Variants in PDE2A observed in about 807,000 individuals in gnomAD.
The protein encoded by PDE2A is cGMP-dependent 3',5'-cyclic phosphodiesterase.
PDE2A carries 53 observed loss-of-function variants against 133.6 expected under a neutral mutation model. The ratio of observed to expected loss-of-function variants is 0.40; its 90% CI spans 0.32 to 0.50. PDE2A has a LOEUF of 0.50. PDE2A is among the 20% of genes least tolerant of loss of function. The pLI, the probability that PDE2A is intolerant of heterozygous loss-of-function variation, is 0.73. For missense variants in PDE2A, 796 were observed against 1,232.4 expected (o/e 0.65, Z 5.30); for synonymous variants, 491 against 490.2 (o/e 1.00, Z -0.02).
chr11:72,633,809 A>G (rs1445336957), intron 2 of PDE2A, among the ~76,000 whole-genome samples: 1 of 152,130 alleles, frequency 6.6e-6, no homozygotes, highest in Non-Finnish European at 1.5e-5. Flanking sequence ...AGGGCTGAGG[A>G]GAGAAGCCCC....
intron 2 of PDE2A, among the ~76,000 whole-genome samples, chr11:72,619,584 C>T (rs1857646372): frequency 1.3e-5 from 2 of 152,170 alleles, no homozygotes; most frequent in Admixed American, 1.3e-4. Context: ...ACCATGTGGG[C>T]CTGCATCTAT....
In PDE2A at chr11:72,600,220, G is replaced by C. The variant is rs147119818; in HGVS notation, c.324-2601C>G. ...ACGGTAATGGTCAGGTATGATTTCA[G>C]AACGATCATGCTGCCTGGGTAAAAC... On this transcript the variant is annotated intron_variant, in intron 4 of 30. Transcript: ENST00000334456. Among the ~76,000 whole-genome samples the C allele has an allele frequency of 4.7e-3, 722 of 152,270 alleles. 4 individuals carry two copies. The highest frequency in any genetic ancestry group is 0.017 in the African/African-American group (689 of 41,552).
chr11:72,629,472 A>G (rs1384416308), intron 2 of PDE2A, among the ~76,000 whole-genome samples: 1 of 152,206 alleles, frequency 6.6e-6, no homozygotes, highest in African/African-American at 2.4e-5. Flanking sequence ...TCCCAGGAAC[A>G]CCATCTGTCC....
intron 2 of PDE2A, among the ~76,000 whole-genome samples, chr11:72,610,422 G>T (rs987346612): frequency 7.9e-5 from 12 of 152,204 alleles, no homozygotes; most frequent in Non-Finnish European, 1.8e-4. Context: ...TCCACGCTGG[G>T]CTCTCAATGA....
chr11:72,662,861 T>G (rs893750272), intron 1 of PDE2A, among the ~76,000 whole-genome samples: 1 of 152,158 alleles, frequency 6.6e-6, no homozygotes, highest in Non-Finnish European at 1.5e-5. Flanking sequence ...CTGACCCTGC[T>G]TAAACTTTCC....
chr11:72,584,252 G>T lies in PDE2A; in HGVS notation c.1599C>A (p.Asp533Glu). Residue 533 changes from aspartate to glutamate, a missense_variant, in exon 19 of 31, where the codon GAC (aspartate) becomes GAA (glutamate). Around this residue, in one of 7 missense-constraint regions of PDE2A, gnomAD observed 218 missense variants for 465.9 expected, o/e 0.47. Transcript: ENST00000334456. ...TGGAGAAGGCCGTCGCCAGGTCCTCGTCGAACTTGCTGAACCATGGCCCAT... is the reference window on the plus strand; with the variant it reads ...TGGAGAAGGCCGTCGCCAGGTCCTCTTCGAACTTGCTGAACCATGGCCCAT... ...KINGPWFSKF[D>E]EDLATAFSIY... 6.2e-7 allele frequency: 1 copy of T among 1,612,106 alleles called. No homozygotes were observed. Among genetic ancestry groups the T allele is most frequent in the Non-Finnish European group, 8.5e-7 (1 of 1,178,936 alleles).
Position 72,598,719 on chromosome 11 carries a change from T to G in PDE2A, c.324-1100A>C, listed in dbSNP as rs556360526. The G allele has an allele frequency of 5.5e-6, 7 of 1,274,986 alleles. No individual in the cohort carries two copies. The East Asian group carries it at 3.9e-4, about 71-fold the overall frequency. The allele number at this position is 1,274,986 out of a possible 1,614,324, so 79.0% of individuals were successfully genotyped here. ...GGTGGCCTGCAAGTCACGAGATCAC[T>G]AGGTCAGAGACTCTAGACAAATCGA... On this transcript the variant is annotated intron_variant, in intron 4 of 30. Coordinates refer to ENST00000334456, the MANE Select transcript of PDE2A (RefSeq NM_002599.5).
chr11:72,640,882 A>G (rs1858922311), intron 2 of PDE2A, among the ~76,000 whole-genome samples: 1 of 151,948 alleles, frequency 6.6e-6, no homozygotes, highest in Non-Finnish European at 1.5e-5. Context: ...CACAGCCACA[A>G]CACTGCCTCC....
At chr11:72,657,902 T>A in intron 1 of PDE2A, 1 of 456,136 alleles carries the variant, frequency 2.2e-6, no homozygotes. Context: ...AAGGCCATGA[T>A]GGGAGCCTCC....
intron 1 of PDE2A, among the ~76,000 whole-genome samples, chr11:72,670,125 G>A (rs114011548): frequency 1.6e-3 from 245 of 151,648 alleles, no homozygotes; most frequent in African/African-American, 5.8e-3. Flanking sequence ...CCCTTACCTT[G>A]AGGCCTTTGC....
In PDE2A at chr11:72,588,798, C is replaced by A; in HGVS notation, c.1056G>T (p.Lys352Asn). The change falls in exon 13 of 31, where the codon AAG (lysine) becomes AAT (asparagine). Residue 352 changes from lysine (K) to asparagine (N), a missense_variant. Transcript: ENST00000334456. ...CAAAGACTCACAAGTCTCCTTCTAG[C>A]TTGTTGAAGGCGCAGGCCAAGGCCA... ...QVVALACAFN[K>N]LEGDLFTDED... is the part of the protein sequence containing the mutation. 6.2e-7 allele frequency: 1 copy of A among 1,602,682 alleles called. No individual in the cohort carries two copies.
rs1436662538 is a variant in PDE2A at position 72,590,294 on chromosome 11, G to C, written c.704-50C>G. 1 of 1,543,080 alleles carries C rather than the reference G, an allele frequency of 6.5e-7. No homozygotes were observed. Among genetic ancestry groups the C allele is most frequent in the African/African-American group, 1.4e-5 (1 of 72,872 alleles). ...AGAGAGGGCCCCTCCGCACCTCCGT[G>C]TCCGGGTCCCTCAGGCGCCGCTCAG... On this transcript the variant is annotated intron_variant, in intron 8 of 30. Coordinates refer to ENST00000334456, the MANE Select transcript of PDE2A (RefSeq NM_002599.5). This position sits in a 1 kb window ranked among gnomAD's most constrained non-coding sequence, Gnocchi z 4.8.
intron 2 of PDE2A, among the ~76,000 whole-genome samples, chr11:72,614,112 G>A (rs777510514): frequency 1.6e-4 from 25 of 152,224 alleles, no homozygotes; most frequent in Non-Finnish European, 8.8e-5. Flanking sequence ...CCCCCAGCCT[G>A]CAGAGTCAGA....
intron 1 of PDE2A, among the ~76,000 whole-genome samples, chr11:72,671,762 C>T (rs2135469181): frequency 6.6e-6 from 1 of 152,278 alleles, no homozygotes; most frequent in South Asian, 2.1e-4. Context: ...CCCAGCCTTG[C>T]AGCCAAAGGG....
At chr11:72,585,678 T>G in intron 14 of PDE2A, 85 bp from the exon 15 acceptor site, 16 of 1,175,614 alleles carry the variant, frequency 1.4e-5, no homozygotes, top group Non-Finnish European at 1.9e-5. Context: ...AGCACCCGGG[T>G]CTTCTCCTTC....
intron 2 of PDE2A, among the ~76,000 whole-genome samples, chr11:72,639,254 A>T (rs1307065565): frequency 6.6e-6 from 1 of 152,116 alleles, no homozygotes. Context: ...CTCTGTGAGG[A>T]TGGGGACTCT....
Position 72,577,548 on chromosome 11 carries a change from C to G in PDE2A, c.2662G>C (p.Val888Leu), listed in dbSNP as rs778712420. The G allele has an allele frequency of 6.2e-7, 1 of 1,609,498 alleles. No individual in the cohort carries two copies. Among genetic ancestry groups the G allele is most frequent in the Non-Finnish European group, 8.5e-7 (1 of 1,179,990 alleles). The change falls in exon 31 of 31, where the codon GTG becomes CTG. Residue 888 changes from valine to leucine, a missense_variant. Val to Leu is a conservative substitution (Grantham distance 32, BLOSUM62 1). Transcript: ENST00000334456. ...GTCCAGTGCTCACGGTTGGAGGCCA[C>G]GCGCTCGTACAGCTCTGCCGCTTTG... ...FPKAAELYER[V>L]ASNREHWTKV...
At chr11:72,628,534 T>C (rs1336223023) in intron 2 of PDE2A, among the ~76,000 whole-genome samples, 2 of 152,198 alleles carry the variant, frequency 1.3e-5, no homozygotes, top group African/African-American at 4.8e-5. Context: ...TTTCACCCTG[T>C]TAACCAGAAT....
At chr11:72,580,747 C>A in intron 24 of PDE2A, 123 bp from the exon 25 acceptor site, 1 of 1,000,176 alleles carries the variant, frequency 1.0e-6, no homozygotes, top group South Asian at 1.4e-5. Flanking sequence ...GAGCCAGGGG[C>A]AAACCCTGGG....
Sources: allele counts gnomAD v4.1 joint callset (sites outside exome capture counted in the v4.1 genomes callset), GRCh38; gene constraint gnomAD v4.1.1; regional missense constraint gnomAD v4.1.1; non-coding constraint Gnocchi (gnomAD v3.1); transcripts MANE v1.5; gene names NCBI Gene and HGNC (gene_info 2026-07-23, HGNC 2026-07-21).